Variants in TOX observed in about 807,000 individuals in gnomAD.
TOX encodes thymocyte selection-associated high mobility group box protein TOX.
A neutral mutation model predicts 53.7 loss-of-function variants in TOX; 11 were observed. That is an observed-to-expected ratio of 0.20 (90% CI 0.13 to 0.34). The LOEUF is 0.34. TOX is among the 10% of genes least tolerant of loss of function. The pLI, the probability that TOX is intolerant of heterozygous loss-of-function variation, is 1.00. For missense variants in TOX, 570 were observed against 664.6 expected (o/e 0.86, Z 1.56); for synonymous variants, 225 against 245.3 (o/e 0.92, Z 0.77).
chr8:59,001,601 C>A (rs1199458976), intron 1 of TOX, among the ~76,000 whole-genome samples: 3 of 152,174 alleles, frequency 2.0e-5, no homozygotes, highest in Admixed American at 2.0e-4. Context: ...TTTCAAAAAC[C>A]ATCCTGAGCT....
At chr8:59,089,700 C>T (rs909277771) in intron 1 of TOX, among the ~76,000 whole-genome samples, 2 of 152,230 alleles carry the variant, frequency 1.3e-5, no homozygotes, top group African/African-American at 2.4e-5. Flanking sequence ...AGGGATCCTC[C>T]GCCTCAGCCT....
intron 2 of TOX, among the ~76,000 whole-genome samples, chr8:58,958,252 A>C (rs1240567727): frequency 2.0e-5 from 3 of 152,216 alleles, no homozygotes; most frequent in African/African-American, 7.2e-5. Context: ...GTAAGGGCTT[A>C]ATATTATGCA....
intron 3 of TOX, among the ~76,000 whole-genome samples, chr8:58,935,089 CA>C (rs1812320664): frequency 6.6e-6 from 1 of 152,130 alleles, no homozygotes; most frequent in South Asian, 2.1e-4. Context: ...GAAACTGTAT[CA>C]CTTATGTTGC....
At chr8:59,107,170 TG>T (rs1313186624) in intron 1 of TOX, among the ~76,000 whole-genome samples, 1 of 151,478 alleles carries the variant, frequency 6.6e-6, no homozygotes, top group Non-Finnish European at 1.5e-5. Flanking sequence ...TATAAACCAG[TG>T]GGTAAGTGAC....
intron 1 of TOX, among the ~76,000 whole-genome samples, chr8:59,026,231 G>C (rs1309994817): frequency 6.6e-6 from 1 of 152,034 alleles, no homozygotes; most frequent in East Asian, 1.9e-4. Flanking sequence ...CTCTTTCTAG[G>C]ACGGTCCATG....
At chr8:59,050,245 C>T (rs396720) in intron 1 of TOX, among the ~76,000 whole-genome samples, 115,059 of 152,044 alleles carry the variant, frequency 0.76, 43,847 homozygotes, top group South Asian at 0.87. Flanking sequence ...AAAGCAGATA[C>T]AATGAAGCAA....
chr8:59,060,190 C>A (rs1458487070), intron 1 of TOX, among the ~76,000 whole-genome samples: 1 of 152,152 alleles, frequency 6.6e-6, no homozygotes, highest in African/African-American at 2.4e-5. Context: ...GTGTTTAATT[C>A]CATCAAGACA....
intron 3 of TOX, among the ~76,000 whole-genome samples, chr8:58,934,204 A>G (rs931086861): frequency 3.9e-5 from 6 of 152,192 alleles, no homozygotes; most frequent in Non-Finnish European, 8.8e-5. Context: ...GAAAAGAGGG[A>G]CTTCAGGAAA....
chr8:59,017,875 TAAG>T (rs1240652363), intron 1 of TOX, among the ~76,000 whole-genome samples: 1 of 152,092 alleles, frequency 6.6e-6, no homozygotes, highest in Non-Finnish European at 1.5e-5. Context: ...AGCTCAATAA[TAAG>T]GTGAATGGAA....
At chr8:59,077,636 G>A (rs944347773) in intron 1 of TOX, among the ~76,000 whole-genome samples, 6 of 152,210 alleles carry the variant, frequency 3.9e-5, no homozygotes, top group African/African-American at 1.4e-4. Flanking sequence ...CCTGGTGGGA[G>A]TCTGAAGGTT....
intron 3 of TOX, among the ~76,000 whole-genome samples, chr8:58,912,345 A>G (rs1475407346): frequency 6.6e-6 from 1 of 152,244 alleles, no homozygotes; most frequent in Non-Finnish European, 1.5e-5. Flanking sequence ...AGCCATGATT[A>G]GGTTTTATCC....
intron 2 of TOX, among the ~76,000 whole-genome samples, chr8:58,954,083 G>GATAA (rs1336441857): frequency 1.4e-4 from 21 of 152,272 alleles, no homozygotes; most frequent in African/African-American, 5.1e-4. Context: ...CAATACCATT[G>GATAA]CATTGCTGAT....
In TOX at chr8:58,806,544, AT is replaced by A. The variant is rs1809979462; in HGVS notation, c.*1202del. The A allele has an allele frequency of 6.6e-6, 1 of 152,438 alleles. No individual in the cohort carries two copies. Among genetic ancestry groups the A allele is most frequent in the Non-Finnish European group, 1.5e-5 (1 of 68,028 alleles). The allele number at this position is 152,438 out of a possible 1,614,324, so 9.4% of individuals were successfully genotyped here. A position where few individuals can be genotyped will look rare whatever the true frequency, so the allele number is the denominator to read the frequency against. On this transcript the variant is annotated 3_prime_UTR_variant, in exon 9 of 9. Coordinates refer to ENST00000361421, the MANE Select transcript of TOX (RefSeq NM_014729.3). ...TGGAGCTTGTGTGACTTGGAGGGCA[AT>A]TCTGTTATGTCGTATGAAGAAATAA...
chr8:58,940,770 G>A lies in TOX; in HGVS notation c.169-1226C>T, dbSNP rs529694922. ...ATGGTGTCCAGCCAATAAGCGTCAT[G>A]CTCCTGTGTCCAAGCGCCTGGGGTT... On this transcript the variant is annotated intron_variant, in intron 2 of 8. Coordinates refer to ENST00000361421, the MANE Select transcript of TOX (RefSeq NM_014729.3). 3.0e-4 allele frequency among the ~76,000 whole-genome samples: 46 copies of A among 152,290 alleles called. 1 individual carries two copies. Among genetic ancestry groups the A allele is most frequent in the Admixed American group, 2.7e-3 (41 of 15,300 alleles).
chr8:58,845,887 C>G (rs1312976604), intron 4 of TOX, among the ~76,000 whole-genome samples: 1 of 151,980 alleles, frequency 6.6e-6, no homozygotes, highest in East Asian at 1.9e-4. Flanking sequence ...TTTAGGAGAT[C>G]CACTTGATCT....
At chr8:58,860,397 T>C (rs1810989943) in intron 3 of TOX, among the ~76,000 whole-genome samples, 1 of 152,074 alleles carries the variant, frequency 6.6e-6, no homozygotes, top group Admixed American at 6.6e-5. Context: ...GACAAGACAA[T>C]AAATATTTTA....
At chr8:58,826,601 G>T (rs1423841845) in intron 6 of TOX, among the ~76,000 whole-genome samples, 1 of 152,182 alleles carries the variant, frequency 6.6e-6, no homozygotes. Context: ...ATCATCCACA[G>T]GTGGACAATA....
chr8:59,119,068 G>T lies in TOX; in HGVS notation c.-81C>A. The stretch of plus-strand genomic sequence containing the variant: ...CAGCAAAACAAGCTTAGACGGAACA[G>T]AGTGAGGTGTCTGGGCTCAGGAGTA... On this transcript the variant is annotated 5_prime_UTR_variant, in exon 1 of 9. In the 5' UTR this introduces an upstream ATG that the reference lacks. Coordinates refer to ENST00000361421, the MANE Select transcript of TOX (RefSeq NM_014729.3). The T allele has an allele frequency of 1.1e-6, 1 of 911,792 alleles. No homozygotes were observed. 56.5% of individuals were successfully genotyped at this position (911,792 alleles called of 1,614,324 possible).
At chr8:58,812,805 T>A (rs1388192362) in intron 7 of TOX, among the ~76,000 whole-genome samples, 12 of 152,238 alleles carry the variant, frequency 7.9e-5, no homozygotes, top group Admixed American at 7.8e-4. Context: ...ATTTTTCGAA[T>A]CAATTACATT....
Sources: gnomAD v4.1 joint callset for allele counts (sites outside exome capture counted in the v4.1 genomes callset) on GRCh38, gnomAD v4.1.1 for gene constraint, MANE v1.5 for transcripts, NCBI Gene and HGNC (gene_info 2026-07-23, HGNC 2026-07-21) for gene names.